CDH4: variants seen among roughly 807,000 people sequenced by gnomAD.
CDH4 encodes cadherin 4, also known as cadherin-4.
CDH4 carries 33 observed loss-of-function variants against 86.0 expected under a neutral mutation model. That is an observed-to-expected ratio of 0.38 (90% CI 0.29 to 0.51). CDH4 has a LOEUF of 0.51. CDH4 is among the 20% of genes least tolerant of loss of function. The pLI is 0.86. For synonymous variants in CDH4, 555 were observed against 549.4 expected (o/e 1.01, Z -0.14); for missense variants, 1,114 against 1,307.4 (o/e 0.85, Z 2.28).
At chr20:61,514,905 G>A (rs1171334192) in intron 2 of CDH4, among the ~76,000 whole-genome samples, 2 of 152,168 alleles carry the variant, frequency 1.3e-5, no homozygotes, top group Admixed American at 6.5e-5. Context: ...GGGGTGGGGG[G>A]AAGGGCCCAG....
intron 2 of CDH4, among the ~76,000 whole-genome samples, chr20:61,742,132 A>G (rs1365071671): frequency 6.6e-6 from 1 of 151,898 alleles, no homozygotes; most frequent in Non-Finnish European, 1.5e-5. Flanking sequence ...TCACTTCAAA[A>G]AAAAAAAATG....
chr20:61,682,854 G>T (rs73314414), intron 2 of CDH4, among the ~76,000 whole-genome samples: 3,583 of 152,012 alleles, frequency 0.024, 133 homozygotes, highest in African/African-American at 0.082. Flanking sequence ...CGTTCTTATT[G>T]TGGGGCAATC....
intron 6 of CDH4, among the ~76,000 whole-genome samples, chr20:61,869,407 C>T (rs918873391): frequency 1.3e-5 from 2 of 152,246 alleles, no homozygotes; most frequent in Non-Finnish European, 2.9e-5. Context: ...TGTGTGCCCG[C>T]AAAGCCTGAC....
chr20:61,686,361 G>A lies in CDH4; in HGVS notation c.170-57202G>A, dbSNP rs117903766. On this transcript the variant is annotated intron_variant, in intron 2 of 15. Coordinates refer to ENST00000614565, the MANE Select transcript of CDH4 (RefSeq NM_001794.5). The stretch of plus-strand genomic sequence containing the variant: ...TGTGCGTGTATATGTGTGTATGTGC[G>A]TGTGCATTCGCATGTGTGTATATGT... Among the ~76,000 whole-genome samples, 15 of 152,266 alleles carry A rather than the reference G, an allele frequency of 9.9e-5. No homozygotes were observed. The East Asian group carries it at 1.9e-3, about 20-fold the overall frequency.
chr20:61,328,980 C>T (rs1353645554), intron 2 of CDH4, among the ~76,000 whole-genome samples: 2 of 152,180 alleles, frequency 1.3e-5, no homozygotes, highest in East Asian at 3.9e-4. Flanking sequence ...TGCTGAGCAT[C>T]ATGGCTTAGC....
chr20:61,830,340 C>T (rs2146080483), intron 4 of CDH4, among the ~76,000 whole-genome samples: 1 of 152,290 alleles, frequency 6.6e-6, no homozygotes, highest in South Asian at 2.1e-4. Flanking sequence ...GCCTCAGAGA[C>T]AGCAGGCCCT....
intron 2 of CDH4, among the ~76,000 whole-genome samples, chr20:61,491,399 C>T (rs2085624994): frequency 6.6e-6 from 1 of 152,158 alleles, no homozygotes; most frequent in Non-Finnish European, 1.5e-5. Flanking sequence ...TCTGAGCAGG[C>T]TGTGTATGAC....
rs763918382 is a variant in CDH4 at position 61,652,938 on chromosome 20, A to ATTT, written c.170-90610_170-90608dup. On this transcript the variant is annotated intron_variant, in intron 2 of 15. Coordinates refer to ENST00000614565, the MANE Select transcript of CDH4 (RefSeq NM_001794.5). ...TTTGAATTTATTTATTTATTTATTT[A>ATTT]TTTTTTTTTTTTTTTTTATTGATCA... 1.0e-4 allele frequency among the ~76,000 whole-genome samples: 10 copies of ATTT among 97,436 alleles called. 1 individual carries two copies. The highest frequency in any genetic ancestry group is 3.0e-4 in the South Asian group (1 of 3,388). 63.9% of individuals were successfully genotyped at this position (97,436 alleles called of 152,430 possible).
At chr20:61,361,175 C>T (rs764745556) in intron 2 of CDH4, among the ~76,000 whole-genome samples, 2 of 152,152 alleles carry the variant, frequency 1.3e-5, no homozygotes, top group African/African-American at 4.8e-5. Context: ...GGAAGGAGCC[C>T]TGAGGGTTGC....
At chr20:61,897,490 C>T (rs1985185506) in intron 8 of CDH4, among the ~76,000 whole-genome samples, 1 of 152,034 alleles carries the variant, frequency 6.6e-6, no homozygotes, top group South Asian at 2.1e-4. Flanking sequence ...TGACCAGCCA[C>T]CAGCACTGAC....
At chr20:61,633,870 AAC>A (rs1208592924) in intron 2 of CDH4, among the ~76,000 whole-genome samples, 2 of 152,190 alleles carry the variant, frequency 1.3e-5, no homozygotes, top group Admixed American at 6.5e-5. Context: ...GTGCTCTTTA[AAC>A]ACAGAGACAT....
chr20:61,649,907 T>G (rs115346469), intron 2 of CDH4, among the ~76,000 whole-genome samples: 2,880 of 152,282 alleles, frequency 0.019, 36 homozygotes, highest in African/African-American at 0.034. Flanking sequence ...CGCTGAGCTA[T>G]GGCCCGGCTC....
intron 2 of CDH4, among the ~76,000 whole-genome samples, chr20:61,388,372 G>A (rs539122496): frequency 6.6e-6 from 1 of 152,144 alleles, no homozygotes; most frequent in South Asian, 2.1e-4. Flanking sequence ...CCAAAGTGGG[G>A]TCCCAATTTC....
rs143730774 is a variant in CDH4, at chr20:61,910,575, G to A, written c.1342G>A (p.Val448Ile). ...GCACTTCAGCGTCCGCACAGACCCC[G>A]TAACCAACGAGGGCATGGTCACCGT... ...SGHFSVRTDP[V>I]TNEGMVTVVK... is the part of the protein sequence containing the mutation. Residue 448 changes from valine (V) to isoleucine (I), a missense_variant, in exon 9 of 16, where the codon GTA (valine) becomes ATA (isoleucine). This residue lies in a region of CDH4 where 705 missense variants were observed against 914.1 expected (regional missense o/e 0.77). Transcript: ENST00000614565. 190 of 1,613,720 alleles carry A rather than the reference G, an allele frequency of 1.2e-4. 2 individuals carry two copies. The highest frequency in any genetic ancestry group is 6.5e-4 in the South Asian group (59 of 91,082).
intron 2 of CDH4, chr20:61,599,843 G>T (rs375739345): frequency 1.0e-6 from 1 of 985,544 alleles, no homozygotes. Context: ...GCTGAAGCCC[G>T]CTTCCCTTCG....
chr20:61,920,336 C>T (rs941442378), intron 9 of CDH4, among the ~76,000 whole-genome samples: 120 of 129,708 alleles, frequency 9.3e-4, no homozygotes, highest in Admixed American at 8.9e-4. Flanking sequence ...TGTGTGGAAG[C>T]GTGGTGTCAT....
chr20:61,906,017 C>T (rs925868657), intron 8 of CDH4, among the ~76,000 whole-genome samples: 3 of 152,194 alleles, frequency 2.0e-5, no homozygotes, highest in Admixed American at 6.5e-5. Context: ...TCTCAGGCTG[C>T]GAATGGCGGC....
intron 2 of CDH4, among the ~76,000 whole-genome samples, chr20:61,324,616 C>T (rs1184940341): frequency 6.6e-6 from 1 of 152,158 alleles, no homozygotes; most frequent in Non-Finnish European, 1.5e-5. Flanking sequence ...TTAGGACTCA[C>T]CTTAGTCTGG....
intron 2 of CDH4, among the ~76,000 whole-genome samples, chr20:61,489,303 T>C (rs2085613178): frequency 6.6e-6 from 1 of 152,216 alleles, no homozygotes; most frequent in Non-Finnish European, 1.5e-5. Context: ...CCAGTGACTA[T>C]TATTGAACAA....
Sources: allele counts gnomAD v4.1 joint callset (sites outside exome capture counted in the v4.1 genomes callset), GRCh38; gene constraint gnomAD v4.1.1; regional missense constraint gnomAD v4.1.1; transcripts MANE v1.5; gene names NCBI Gene and HGNC (gene_info 2026-07-23, HGNC 2026-07-21).